Variants in PRIM2 observed in about 807,000 individuals in gnomAD.
PRIM2 encodes the protein DNA primase subunit 2.
A neutral mutation model predicts 67.3 loss-of-function variants in PRIM2; 39 were observed. The observed-to-expected ratio is 0.58, with a 90% CI of 0.45 to 0.76. The LOEUF is 0.76. PRIM2 is among the 30% of genes least tolerant of loss of function. The probability of loss-of-function intolerance (pLI) is 0.00; values close to 1 mark genes in which losing one functional copy is unlikely to be tolerated. For missense variants in PRIM2, 398 were observed against 598.7 expected, an observed-to-expected ratio of 0.66 and a Z score of 3.50; for synonymous variants, 143 against 198.7, an observed-to-expected ratio of 0.72 and a Z score of 2.36.
chr6:57,382,662 C>A (rs1359294925), intron 7 of PRIM2: 1 of 152,226 alleles, frequency 6.6e-6, no homozygotes, highest in East Asian at 1.9e-4. Context: ...GAACAAATGA[C>A]ATGATCAGTG....
intron 5 of PRIM2, among the ~76,000 whole-genome samples, chr6:57,373,759 C>T (rs1442068205): frequency 1.3e-5 from 2 of 152,016 alleles, no homozygotes; most frequent in Non-Finnish European, 2.9e-5. Context: ...GTGTTGTAGG[C>T]ATGCAGTCTT....
intron 7 of PRIM2, among the ~76,000 whole-genome samples, chr6:57,454,180 T>G (rs1772667832): frequency 6.6e-6 from 1 of 152,192 alleles, no homozygotes; most frequent in South Asian, 2.1e-4. Context: ...GCTGCTGGAT[T>G]TGGTTTGCCA....
chr6:57,613,938 G>A (rs1474649504), intron 12 of PRIM2, among the ~76,000 whole-genome samples: 1 of 152,022 alleles, frequency 6.6e-6, no homozygotes, highest in African/African-American at 2.4e-5. Context: ...TGCAACCTCT[G>A]CCTCCTGGGT....
intron 10 of PRIM2, among the ~76,000 whole-genome samples, chr6:57,600,434 C>T (rs1237401920): frequency 6.6e-6 from 1 of 151,894 alleles, no homozygotes; most frequent in Non-Finnish European, 1.5e-5. Context: ...TCATGGCTCA[C>T]TGCAGCCTCA....
At chr6:57,285,699 C>G in the PRIM2 span, among the ~76,000 whole-genome samples, 18 of 152,002 alleles carry the variant, frequency 1.2e-4, no homozygotes, top group African/African-American at 4.3e-4. Context: ...AAAACTGTCA[C>G]AAGAACAGGA....
At chr6:57,288,391 C>T in the PRIM2 span, among the ~76,000 whole-genome samples, 1 of 152,204 alleles carries the variant, frequency 6.6e-6, no homozygotes, top group African/African-American at 2.4e-5. Flanking sequence ...AGGCAGCAGA[C>T]AGCTTCCGAA....
At chr6:57,258,382 G>T in the PRIM2 span, among the ~76,000 whole-genome samples, 1 of 151,290 alleles carries the variant, frequency 6.6e-6, no homozygotes, top group Non-Finnish European at 1.5e-5. Flanking sequence ...CGCAAATGAG[G>T]TTTAAAAAAA....
rs1372460860 is a variant in PRIM2, at chr6:57,528,966, C to G, written c.762-3445C>G. Among the ~76,000 whole-genome samples, 20 of 152,242 alleles carry G rather than the reference C, an allele frequency of 1.3e-4. No homozygotes were observed. In the East Asian group the frequency reaches 3.9e-3, roughly 29 times the overall value. ...TGCCATTTTACAAATAAGGATGATG[C>G]AAATCAGAATGGTTAAGTGACTTGT... On this transcript the variant is annotated intron_variant, in intron 8 of 13. Coordinates refer to ENST00000615550, the MANE Select transcript of PRIM2 (RefSeq NM_000947.5).
At chr6:57,332,900 G>A (rs1768100693) in intron 5 of PRIM2, among the ~76,000 whole-genome samples, 1 of 151,924 alleles carries the variant, frequency 6.6e-6, no homozygotes, top group African/African-American at 2.4e-5. Context: ...ATTTCCGTGT[G>A]CCATCTATGT....
At chr6:57,575,251 C>T (rs1217706359) in intron 10 of PRIM2, among the ~76,000 whole-genome samples, 190 of 152,240 alleles carry the variant, frequency 1.2e-3, no homozygotes, top group African/African-American at 4.2e-3. Context: ...TTCTCACTGT[C>T]GAGTTAATAC....
intron 12 of PRIM2, among the ~76,000 whole-genome samples, chr6:57,628,700 C>CATTGGT (rs1776995768): frequency 6.6e-6 from 1 of 152,106 alleles, no homozygotes; most frequent in Non-Finnish European, 1.5e-5. Flanking sequence ...CCATGTATAA[C>CATTGGT]CAATGTTTAG....
At chr6:57,542,753 G>A (rs1269773736) in intron 10 of PRIM2, among the ~76,000 whole-genome samples, 1 of 151,356 alleles carries the variant, frequency 6.6e-6, no homozygotes, top group Non-Finnish European at 1.5e-5. Context: ...AGTCCGTATT[G>A]TAAATGTTCA....
chr6:57,319,409 T>C (rs1767578652), intron 2 of PRIM2, among the ~76,000 whole-genome samples: 1 of 152,244 alleles, frequency 6.6e-6, no homozygotes, highest in Non-Finnish European at 1.5e-5. Flanking sequence ...ATACTGTTAA[T>C]CATTCTTAGA....
intron 10 of PRIM2, among the ~76,000 whole-genome samples, chr6:57,560,488 G>T (rs1775605267): frequency 1.3e-5 from 2 of 151,346 alleles, no homozygotes; most frequent in Admixed American, 6.6e-5. Flanking sequence ...TATTCTTAAT[G>T]ACATTTAGAA....
intron 7 of PRIM2, among the ~76,000 whole-genome samples, chr6:57,385,030 A>G (rs983212190): frequency 5.3e-5 from 8 of 152,342 alleles, no homozygotes; most frequent in South Asian, 2.1e-4. Flanking sequence ...TTTATTTTAG[A>G]TAAGTCAAGA....
chr6:57,565,640 T>C (rs1357679542), intron 10 of PRIM2, among the ~76,000 whole-genome samples: 3 of 152,196 alleles, frequency 2.0e-5, no homozygotes, highest in African/African-American at 7.2e-5. Flanking sequence ...AGCAGTCTTC[T>C]TTACAGAGCC....
chr6:57,551,156 C>G lies in PRIM2; in HGVS notation c.1020+13531C>G, dbSNP rs1403577231. 2.6e-5 allele frequency among the ~76,000 whole-genome samples: 4 copies of G among 152,088 alleles called. No homozygotes were observed. In the East Asian group the frequency reaches 7.7e-4, roughly 29 times the overall value. ...AACCAGACAGTTATTTTGCACCTGCCTGTGTGCATTACTCTTTATAGTAAG... is the reference window on the plus strand; with the variant it reads ...AACCAGACAGTTATTTTGCACCTGCGTGTGTGCATTACTCTTTATAGTAAG... On this transcript the variant is annotated intron_variant, in intron 10 of 13. Transcript: ENST00000615550.
chr6:57,305,501 C>T, the PRIM2 span, among the ~76,000 whole-genome samples: 2 of 152,168 alleles, frequency 1.3e-5, no homozygotes, highest in South Asian at 4.1e-4. Flanking sequence ...TATTCAGAAT[C>T]GTTTCAGCTC....
chr6:57,518,711 CTA>C (rs1447319343), intron 8 of PRIM2, among the ~76,000 whole-genome samples: 1 of 152,150 alleles, frequency 6.6e-6, no homozygotes, highest in African/African-American at 2.4e-5. Flanking sequence ...CAAAGGATAA[CTA>C]TGATAAAGAA....
Sources: allele counts gnomAD v4.1 joint callset (sites outside exome capture counted in the v4.1 genomes callset), GRCh38; gene constraint gnomAD v4.1.1; transcripts MANE v1.5; gene names NCBI Gene and HGNC (gene_info 2026-07-23, HGNC 2026-07-21).